Variants in SCN11A observed in about 807,000 individuals in gnomAD.
SCN11A encodes the protein sodium voltage-gated channel alpha subunit 11.
A neutral mutation model predicts 162.2 loss-of-function variants in SCN11A; 122 were observed. The ratio of observed to expected loss-of-function variants is 0.75; its 90% confidence interval spans 0.65 to 0.87. SCN11A has a LOEUF of 0.87. Ranked by LOEUF, SCN11A falls within the 40% of genes least tolerant of loss-of-function variation. The pLI is 0.00. For missense variants in SCN11A, 2,015 were observed against 2,181.6 expected, an observed-to-expected ratio of 0.92 and a Z score of 1.52; for synonymous variants, 758 against 751.5, an observed-to-expected ratio of 1.01 and a Z score of -0.14.
At chr3:38,981,324 G>C (rs2030028922) in intron 2 of SCN11A, among the ~76,000 whole-genome samples, 2 of 152,206 alleles carry the variant, frequency 1.3e-5, no homozygotes, top group Admixed American at 6.5e-5. Context: ...GAGAAATTCA[G>C]AGTGCCTTCT....
chr3:38,899,462 C>A (rs1373194923), intron 17 of SCN11A, among the ~76,000 whole-genome samples: 1 of 152,192 alleles, frequency 6.6e-6, no homozygotes, highest in Non-Finnish European at 1.5e-5. Context: ...GCCATCAGCT[C>A]CCCTGCATTC....
chr3:39,041,925 A>C (rs943097772), intron 1 of SCN11A, among the ~76,000 whole-genome samples: 12 of 152,200 alleles, frequency 7.9e-5, no homozygotes, highest in Admixed American at 3.9e-4. Flanking sequence ...TTGAATGTAA[A>C]TGGATTAAAT....
At chr3:38,907,308 A>ATGTGTGTGTGTGTGTGTG (rs1395920809) in intron 14 of SCN11A, among the ~76,000 whole-genome samples, 1 of 33,920 alleles carries the variant, frequency 2.9e-5, no homozygotes, top group South Asian at 2.2e-3. Context: ...ATACCAACAT[A>ATGTGTGTGTGTGTGTGTG]TATGTGTGTG....
At chr3:39,032,287 A>T (rs1477807454) in intron 2 of SCN11A, among the ~76,000 whole-genome samples, 93 bp downstream of exon 2, 3 of 152,262 alleles carry the variant, frequency 2.0e-5, no homozygotes, top group African/African-American at 7.2e-5. Context: ...AGTGGTGGTT[A>T]TAAATAAAGG....
At chr3:39,003,545 G>C (rs186434239) in intron 2 of SCN11A, among the ~76,000 whole-genome samples, 17 of 152,176 alleles carry the variant, frequency 1.1e-4, no homozygotes, top group Non-Finnish European at 1.8e-4. Flanking sequence ...GGGTCTGTAC[G>C]CACTAATGAG....
chr3:38,941,266 A>G lies in SCN11A; in HGVS notation c.488+4145T>C, dbSNP rs560685289. ...ATGGAAATGACATACTTAAAGTGCT[A>G]GAAAAACAAATTGTCAAGCACTGAT... On this transcript the variant is annotated intron_variant, in intron 7 of 29. Coordinates refer to ENST00000302328, the MANE Select transcript of SCN11A (RefSeq NM_001349253.2). Among the ~76,000 whole-genome samples the G allele has an allele frequency of 1.4e-4, 22 of 152,350 alleles. No homozygotes were observed. The East Asian group carries it at 4.0e-3, about 28-fold the overall frequency.
intron 2 of SCN11A, among the ~76,000 whole-genome samples, chr3:38,985,336 T>G (rs1575347420): frequency 6.6e-6 from 1 of 150,460 alleles, no homozygotes; most frequent in Non-Finnish European, 1.5e-5. Flanking sequence ...TTCACCGTGT[T>G]AGCCAGGATG....
At chr3:38,967,362 G>T (rs1464833879) in intron 2 of SCN11A, among the ~76,000 whole-genome samples, 1 of 152,226 alleles carries the variant, frequency 6.6e-6, no homozygotes, top group Non-Finnish European at 1.5e-5. Flanking sequence ...CACTCTGGAA[G>T]AAGCTAGTTG....
At chr3:38,944,858 G>A (rs1012207178) in intron 7 of SCN11A, among the ~76,000 whole-genome samples, 2 of 152,012 alleles carry the variant, frequency 1.3e-5, no homozygotes, top group Middle Eastern at 3.2e-3. Flanking sequence ...AGCTACTTGA[G>A]AGGCTGAGGG....
intron 29 of SCN11A, chr3:38,850,156 T>C (rs2064751195): frequency 4.4e-6 from 1 of 225,638 alleles, no homozygotes; most frequent in South Asian, 1.0e-4. Context: ...GGTAGAACTT[T>C]GACTCAATTA....
Position 38,969,031 on chromosome 3 carries a change from A to G in SCN11A, c.-279-8608T>C, listed in dbSNP as rs577035589. ...ATGCCCGTCACAGCCCCTACCTACC[A>G]TATTTGAGCCCCAAGTAGTAGCTGC... On this transcript the variant is annotated intron_variant, in intron 2 of 29. Coordinates refer to ENST00000302328, the MANE Select transcript of SCN11A (RefSeq NM_001349253.2). 1.2e-3 allele frequency among the ~76,000 whole-genome samples: 182 copies of G among 152,222 alleles called. 1 individual carries two copies. The highest frequency in any genetic ancestry group is 2.2e-3 in the Admixed American group (33 of 15,310).
At chr3:38,951,959 C>T (rs1239788368) in intron 4 of SCN11A, among the ~76,000 whole-genome samples, 1 of 152,052 alleles carries the variant, frequency 6.6e-6, no homozygotes, top group Non-Finnish European at 1.5e-5. Context: ...CGCTGGGGTC[C>T]CCTTCCACAC....
intron 11 of SCN11A, 143 bp downstream of exon 11, chr3:38,919,792 G>C: frequency 1.5e-6 from 1 of 656,306 alleles, no homozygotes; most frequent in East Asian, 2.9e-5. Flanking sequence ...AATAACACAA[G>C]TCTAAACATG....
At chr3:39,015,297 A>T (rs1252799809) in intron 2 of SCN11A, among the ~76,000 whole-genome samples, 1 of 152,204 alleles carries the variant, frequency 6.6e-6, no homozygotes. Flanking sequence ...TGGACTTTTC[A>T]GCCTCCAGAA....
At chr3:38,996,745 C>A (rs2030643433) in intron 2 of SCN11A, among the ~76,000 whole-genome samples, 1 of 152,118 alleles carries the variant, frequency 6.6e-6, no homozygotes. Context: ...TTCTTCCATG[C>A]CCTATAGTTG....
chr3:38,950,299 C>G lies in SCN11A; in HGVS notation c.64G>C (p.Asp22His). Reference protein sequence around the residue: ...DERNFRPFTSDSLAAIEKRIA... With the variant: ...DERNFRPFTSHSLAAIEKRIA... Reference sequence around the variant, plus strand: ...CGCTTCTCAATTGCAGCCAGAGAGTCGGAAGTGAAGGGGCGGAAATTCCGC... The same window carrying G: ...CGCTTCTCAATTGCAGCCAGAGAGTGGGAAGTGAAGGGGCGGAAATTCCGC... Residue 22 changes from aspartate (D) to histidine (H), a missense_variant, in exon 5 of 30, where the codon GAC (aspartate) becomes CAC (histidine). Coordinates refer to ENST00000302328, the MANE Select transcript of SCN11A (RefSeq NM_001349253.2). 6.2e-7 allele frequency: 1 copy of G among 1,613,962 alleles called. No individual in the cohort carries two copies. Among genetic ancestry groups the G allele is most frequent in the Non-Finnish European group, 8.5e-7 (1 of 1,179,992 alleles).
intron 2 of SCN11A, among the ~76,000 whole-genome samples, chr3:38,973,403 TAC>T (rs35521973): frequency 0.26 from 38,475 of 147,830 alleles, 5,165 homozygotes; most frequent in African/African-American, 0.37. Context: ...GGTGTTGAGA[TAC>T]ACACACACAC....
chr3:38,951,616 G>C (rs1030710928), intron 4 of SCN11A, among the ~76,000 whole-genome samples: 1 of 152,262 alleles, frequency 6.6e-6, no homozygotes, highest in Non-Finnish European at 1.5e-5. Context: ...CTGAGCTCCT[G>C]AGTCTGGTGG....
chr3:39,031,259 C>T (rs1388908328), intron 2 of SCN11A, among the ~76,000 whole-genome samples: 5 of 152,086 alleles, frequency 3.3e-5, no homozygotes, highest in African/African-American at 9.7e-5. Context: ...CGGTGGCTCT[C>T]GCTTGCCTAT....
Sources: gnomAD v4.1 joint callset for allele counts (sites outside exome capture counted in the v4.1 genomes callset) on GRCh38, gnomAD v4.1.1 for gene constraint, MANE v1.5 for transcripts, NCBI Gene and HGNC (gene_info 2026-07-23, HGNC 2026-07-21) for gene names.